Variants in NPAS2 observed in about 807,000 individuals in gnomAD.
NPAS2 encodes neuronal PAS domain protein 2, also known as neuronal PAS domain-containing protein 2.
In NPAS2, 23 loss-of-function variants were observed where a neutral mutation model predicts 107.5. That is an observed-to-expected ratio of 0.21 (90% confidence interval 0.15 to 0.30). The LOEUF is 0.30. NPAS2 is among the 10% of genes least tolerant of loss of function. NPAS2 has a pLI of 1.00. For missense variants in NPAS2, 756 were observed against 1,043.3 expected, an observed-to-expected ratio of 0.72 and a Z score of 3.79; for synonymous variants, 403 against 417.5, an observed-to-expected ratio of 0.97 and a Z score of 0.42.
At chr2:100,914,698 T>C (rs1682762866) in intron 2 of NPAS2, among the ~76,000 whole-genome samples, 1 of 152,196 alleles carries the variant, frequency 6.6e-6, no homozygotes, top group Non-Finnish European at 1.5e-5. Flanking sequence ...GTTCCCACCC[T>C]TTGATTTCTA....
At chr2:100,902,787 T>C (rs1263592107) in intron 1 of NPAS2, among the ~76,000 whole-genome samples, 1 of 152,162 alleles carries the variant, frequency 6.6e-6, no homozygotes, top group Admixed American at 6.6e-5. Context: ...AGTAAAAATA[T>C]CAGCACGGAG....
chr2:100,864,785 A>G (rs562391948), intron 1 of NPAS2, among the ~76,000 whole-genome samples: 4 of 152,342 alleles, frequency 2.6e-5, no homozygotes, highest in Admixed American at 2.6e-4. Context: ...CTTCAGAATT[A>G]TTGAGAATCC....
intron 1 of NPAS2, among the ~76,000 whole-genome samples, chr2:100,850,731 T>A (rs935382067): frequency 2.0e-5 from 3 of 151,756 alleles, no homozygotes; most frequent in African/African-American, 7.3e-5. Context: ...GGTGGGAGGA[T>A]CACTTGAGAT....
At chr2:100,974,551 G>A (rs1016763620) in intron 12 of NPAS2, among the ~76,000 whole-genome samples, 4 of 152,174 alleles carry the variant, frequency 2.6e-5, no homozygotes, top group East Asian at 1.9e-4. Flanking sequence ...AGTCAGTTAC[G>A]AAAATGTAAA....
At position 100,932,462 on chromosome 2, in the gene NPAS2, G is replaced by A. The variant is rs560866255; in HGVS notation, c.182-448G>A. 2.6e-5 allele frequency among the ~76,000 whole-genome samples: 4 copies of A among 152,300 alleles called. No individual in the cohort carries two copies. The South Asian group carries it at 8.3e-4, about 32-fold the overall frequency. On this transcript the variant is annotated intron_variant, in intron 3 of 20. Coordinates refer to ENST00000335681, the MANE Select transcript of NPAS2 (RefSeq NM_002518.4). The stretch of plus-strand genomic sequence containing the variant: ...TAACACAGTGGGTTATTTTCCACAC[G>A]CCTAAGGTGTTTCTGGAATTTTTAA...
rs1457843152 is a variant in NPAS2 at position 100,990,426 on chromosome 2, C to G, written c.1998C>G (p.Phe666Leu). The change falls in exon 18 of 21, where the codon TTC becomes TTG. Residue 666 changes from phenylalanine (F) to leucine (L), a missense_variant. By Grantham distance (22) the Phe-to-Leu change is conservative (BLOSUM62 0). Around this residue, in one of 4 missense-constraint regions of NPAS2, gnomAD observed 496 missense variants for 594.4 expected, o/e 0.83. Coordinates refer to ENST00000335681, the MANE Select transcript of NPAS2 (RefSeq NM_002518.4). The stretch of plus-strand genomic sequence containing the variant: ...GCCAGTGCCAGCCCAGCCCAGACTT[C>G]AGCCATGATCGGCAGCTCAGGTACG... Reference protein sequence around the residue: ...DASQCQPSPDFSHDRQLRLLL... With the variant: ...DASQCQPSPDLSHDRQLRLLL... 6.2e-7 allele frequency: 1 copy of G among 1,614,096 alleles called. No homozygotes were observed. Among genetic ancestry groups the G allele is most frequent in the Non-Finnish European group, 8.5e-7 (1 of 1,180,030 alleles).
intron 2 of NPAS2, among the ~76,000 whole-genome samples, chr2:100,923,694 G>A (rs1037054540): frequency 2.0e-5 from 3 of 152,100 alleles, no homozygotes; most frequent in Admixed American, 1.3e-4. Flanking sequence ...TGGCCTCTGG[G>A]GCCCCTGTTC....
intron 1 of NPAS2, among the ~76,000 whole-genome samples, chr2:100,824,139 G>A (rs1676233288): frequency 6.6e-6 from 1 of 152,186 alleles, no homozygotes; most frequent in South Asian, 2.1e-4. Flanking sequence ...GGAAAGCAAG[G>A]AGGACGAAGA....
At position 100,866,782 on chromosome 2, in the gene NPAS2, G is replaced by A. The variant is rs567233181; in HGVS notation, c.-22-37951G>A. 1.2e-4 allele frequency among the ~76,000 whole-genome samples: 18 copies of A among 152,304 alleles called. No individual in the cohort carries two copies. The East Asian group carries it at 2.3e-3, about 20-fold the overall frequency. On this transcript the variant is annotated intron_variant, in intron 1 of 20. Transcript: ENST00000335681. ...ATTTTACTGACATTCTATCCAGCAA[G>A]TAACAAATCAACATTCTCCAAGATT...
chr2:100,828,115 G>A (rs561641464), intron 1 of NPAS2, among the ~76,000 whole-genome samples: 177 of 152,304 alleles, frequency 1.2e-3, no homozygotes, highest in Non-Finnish European at 2.3e-3. Flanking sequence ...ATTCTGGCTG[G>A]TGTGAGATGG....
intron 1 of NPAS2, among the ~76,000 whole-genome samples, chr2:100,867,723 T>C (rs1420750456): frequency 6.6e-6 from 1 of 152,146 alleles, no homozygotes; most frequent in Admixed American, 6.6e-5. Context: ...TTTTGTTTTG[T>C]AGACAAGGTG....
chr2:100,838,199 C>T (rs1180490759), intron 1 of NPAS2, among the ~76,000 whole-genome samples: 1 of 150,862 alleles, frequency 6.6e-6, no homozygotes, highest in African/African-American at 2.4e-5. Flanking sequence ...TAATAATTCC[C>T]CTAAGTCAGA....
chr2:100,887,802 G>T (rs924744029), intron 1 of NPAS2, among the ~76,000 whole-genome samples: 1 of 152,152 alleles, frequency 6.6e-6, no homozygotes, highest in African/African-American at 2.4e-5. Context: ...TCAGCCGAGG[G>T]CCTGGGCTGG....
chr2:100,827,726 T>C (rs1676473852), intron 1 of NPAS2, among the ~76,000 whole-genome samples: 1 of 152,228 alleles, frequency 6.6e-6, no homozygotes, highest in Non-Finnish European at 1.5e-5. Context: ...CTTCATTCTT[T>C]TTATGGCTGC....
At chr2:100,829,276 C>A (rs1332160660) in intron 1 of NPAS2, among the ~76,000 whole-genome samples, 2 of 151,822 alleles carry the variant, frequency 1.3e-5, no homozygotes, top group African/African-American at 4.8e-5. Context: ...CCTCAGCCTC[C>A]TGAGTAGTTG....
intron 5 of NPAS2, among the ~76,000 whole-genome samples, chr2:100,942,359 C>T (rs1236067981): frequency 6.6e-6 from 1 of 152,124 alleles, no homozygotes; most frequent in Middle Eastern, 3.2e-3. Context: ...GGAAGCATCC[C>T]TCTGCCCTTC....
At chr2:100,917,386 G>C (rs1682953383) in intron 2 of NPAS2, among the ~76,000 whole-genome samples, 2 of 152,086 alleles carry the variant, frequency 1.3e-5, no homozygotes, top group South Asian at 4.1e-4. Flanking sequence ...AAATTAGCCA[G>C]GCGTGGTGGC....
At chr2:100,827,649 T>C (rs1251072588) in intron 1 of NPAS2, among the ~76,000 whole-genome samples, 1 of 152,216 alleles carries the variant, frequency 6.6e-6, no homozygotes, top group Non-Finnish European at 1.5e-5. Flanking sequence ...TTTGGTTTTC[T>C]ATTTCTGCAT....
chr2:100,995,243 C>G (rs939060851), intron 20 of NPAS2, 157 bp from the exon 21 acceptor site: 25 of 586,986 alleles, frequency 4.3e-5, no homozygotes, highest in African/African-American at 3.9e-4. Flanking sequence ...CACCACACCC[C>G]CAGGTCTTGC....
Sources: gnomAD v4.1 joint callset for allele counts (sites outside exome capture counted in the v4.1 genomes callset) on GRCh38, gnomAD v4.1.1 for gene constraint, gnomAD v4.1.1 regional missense constraint, MANE v1.5 for transcripts, NCBI Gene and HGNC (gene_info 2026-07-23, HGNC 2026-07-21) for gene names.